Variants in MYO5A observed in about 807,000 individuals in gnomAD.
MYO5A encodes myosin VA.
Under a neutral mutation model 249.7 loss-of-function variants are expected in MYO5A, and 98 were observed. The ratio of observed to expected loss-of-function variants is 0.39; its 90% CI spans 0.33 to 0.46. The LOEUF is 0.46. MYO5A is among the 20% of genes least tolerant of loss of function. The pLI is 0.98. For missense variants in MYO5A, 1,696 were observed against 2,308.8 expected, an observed-to-expected ratio of 0.73 and a Z score of 5.44; for synonymous variants, 778 against 810.6, an observed-to-expected ratio of 0.96 and a Z score of 0.68.
At chr15:52,465,160 G>C (rs1332381053) in intron 1 of MYO5A, among the ~76,000 whole-genome samples, 1 of 152,188 alleles carries the variant, frequency 6.6e-6, no homozygotes, top group Non-Finnish European at 1.5e-5. Flanking sequence ...AGCTGGCTTT[G>C]AGAGGGCAAA....
At chr15:52,404,085 G>A (rs142789002) in intron 9 of MYO5A, among the ~76,000 whole-genome samples, 252 of 152,062 alleles carry the variant, frequency 1.7e-3, no homozygotes, top group African/African-American at 5.9e-3. Context: ...GGCCAACATG[G>A]CAAAACCCCA....
chr15:52,387,666 C>T, intron 14 of MYO5A, 163 bp downstream of exon 14: 1 of 606,256 alleles, frequency 1.6e-6, no homozygotes, highest in Non-Finnish European at 2.9e-6. Context: ...ACATTTAGAA[C>T]AGGACCTGAC....
intron 1 of MYO5A, among the ~76,000 whole-genome samples, chr15:52,441,570 T>G (rs1426747964): frequency 6.6e-6 from 1 of 152,242 alleles, no homozygotes; most frequent in Non-Finnish European, 1.5e-5. Context: ...TTCACACTTG[T>G]AAGCCTTTGC....
At chr15:52,346,513 G>A (rs2039635692) in intron 29 of MYO5A, 52 bp from the exon 30 acceptor site, 1 of 1,148,254 alleles carries the variant, frequency 8.7e-7, no homozygotes, top group African/African-American at 1.5e-5. Flanking sequence ...AAAAGCTTTG[G>A]ACATAAAACA....
rs149684951 is a variant in MYO5A at position 52,388,524 on chromosome 15, G to C, written c.1669-612C>G. 4.4e-4 allele frequency among the ~76,000 whole-genome samples: 67 copies of C among 152,248 alleles called. 1 individual carries two copies. The East Asian group carries it at 7.1e-3, about 16-fold the overall frequency. On this transcript the variant is annotated intron_variant, in intron 13 of 41. Transcript: ENST00000399233. The stretch of plus-strand genomic sequence containing the variant: ...TAGGTGGCCCTAGGGTCATCTCAAG[G>C]CTTCTAGATGGAATTAGGGCAGACT...
intron 18 of MYO5A, 107 bp downstream of exon 18, chr15:52,379,518 C>T (rs911843052): frequency 9.5e-6 from 9 of 948,194 alleles, no homozygotes; most frequent in African/African-American, 4.8e-5. Flanking sequence ...GATCCCACCC[C>T]GAAATGATCT....
At chr15:52,330,039 A>ATTTTGAT (rs994717000) in intron 35 of MYO5A, among the ~76,000 whole-genome samples, 2 of 138,134 alleles carry the variant, frequency 1.4e-5, no homozygotes, top group Non-Finnish European at 3.1e-5. Context: ...CTCTCTAGAG[A>ATTTTGAT]TTTTGATTTA....
chr15:52,446,094 C>T (rs56148029), intron 1 of MYO5A, among the ~76,000 whole-genome samples: 22,870 of 152,258 alleles, frequency 0.15, 1,825 homozygotes, highest in Middle Eastern at 0.22. Flanking sequence ...CAAGTGCTAA[C>T]AGCCAAGTCA....
At position 52,364,659 on chromosome 15, in the gene MYO5A, T is replaced by A. The variant is rs1431582045; in HGVS notation, c.3204A>T (p.Glu1068Asp). 4 of 1,613,692 alleles carry A rather than the reference T, an allele frequency of 2.5e-6. No homozygotes were observed. The Admixed American group carries it at 6.7e-5, about 27-fold the overall frequency. ...TCAGCCTTTCATCATTAAGGTCGAG[T>A]TCCAGTTGTTTCGTTTCTTCTACTA... ...KKLVEETKQLELDLNDERLRY... is the reference protein window; with the variant it reads ...KKLVEETKQLDLDLNDERLRY... The change falls in exon 24 of 42, where the codon GAA becomes GAT. Residue 1068 changes from glutamate (E) to aspartate (D), a missense_variant. By Grantham distance (45) the Glu-to-Asp change is conservative. Transcript: ENST00000399233.
intron 6 of MYO5A, among the ~76,000 whole-genome samples, chr15:52,409,928 T>C (rs183152096): frequency 6.6e-6 from 1 of 152,238 alleles, no homozygotes; most frequent in Admixed American, 6.5e-5. Flanking sequence ...TAATATATTC[T>C]GAAAGAGGAG....
chr15:52,387,077 T>C (rs1386908387), intron 14 of MYO5A, among the ~76,000 whole-genome samples: 1 of 152,196 alleles, frequency 6.6e-6, no homozygotes, highest in East Asian at 1.9e-4. Flanking sequence ...GCTGAATACC[T>C]GAATATTCAT....
intron 1 of MYO5A, among the ~76,000 whole-genome samples, chr15:52,441,483 C>A (rs1567130124): frequency 6.6e-6 from 1 of 152,184 alleles, no homozygotes; most frequent in African/African-American, 2.4e-5. Context: ...CTGCTCCCCA[C>A]CAATTTTCAC....
intron 1 of MYO5A, among the ~76,000 whole-genome samples, chr15:52,442,364 GA>G (rs2075800787): frequency 6.6e-6 from 1 of 152,058 alleles, no homozygotes; most frequent in Admixed American, 6.6e-5. Context: ...GGGTGTAAGA[GA>G]AAAAAGGGGT....
intron 1 of MYO5A, among the ~76,000 whole-genome samples, chr15:52,450,089 G>A (rs1057493787): frequency 3.3e-5 from 5 of 152,132 alleles, no homozygotes; most frequent in African/African-American, 1.2e-4. Context: ...AGAGGCTTAG[G>A]TGGGAGGATC....
chr15:52,361,977 T>C (rs1241953066), intron 24 of MYO5A, among the ~76,000 whole-genome samples: 1 of 152,196 alleles, frequency 6.6e-6, no homozygotes, highest in African/African-American at 2.4e-5. Flanking sequence ...AATTAATTTA[T>C]CTTTAAACAC....
chr15:52,323,888 C>A (rs1000643246), intron 36 of MYO5A: 4 of 220,874 alleles, frequency 1.8e-5, no homozygotes, highest in African/African-American at 4.6e-5. Context: ...CCTGTAATCC[C>A]AGCAACTTGG....
Position 52,317,126 on chromosome 15 carries a change from T to C in MYO5A, c.5331A>G (p.Gln1777=), listed in dbSNP as rs1301937452. 15 of 1,614,044 alleles carry C rather than the reference T, an allele frequency of 9.3e-6. 1 individual carries two copies. The highest frequency in any genetic ancestry group is 6.7e-5 in the Admixed American group (4 of 60,008). ...ETLEPLIQAA[Q]LLQVKKKTDD... is the part of the protein sequence containing the mutation. ...CTGTTTTCTTTTTCACTTGCAAAAG[T>C]TGAGCAGCCTGAATGAGAGGTTCCA... The change falls in exon 40 of 42, where the codon CAA becomes CAG. Residue 1777 remains glutamine, a synonymous_variant. Transcript: ENST00000399233.
At chr15:52,506,443 CTTGAACCTGG>C (rs1323594075) in intron 1 of MYO5A, among the ~76,000 whole-genome samples, 1 of 151,792 alleles carries the variant, frequency 6.6e-6, no homozygotes, top group East Asian at 1.9e-4. Flanking sequence ...GTGGGAATCA[CTTGAACCTGG>C]GAAGTGGAGG....
chr15:52,417,715 T>C (rs1332799729), intron 4 of MYO5A, among the ~76,000 whole-genome samples: 1 of 152,120 alleles, frequency 6.6e-6, no homozygotes, highest in Non-Finnish European at 1.5e-5. Context: ...GGGCTCCTGA[T>C]AAAAGGATGA....
Sources: allele counts gnomAD v4.1 joint callset (sites outside exome capture counted in the v4.1 genomes callset), GRCh38; gene constraint gnomAD v4.1.1; transcripts MANE v1.5; gene names NCBI Gene and HGNC (gene_info 2026-07-23, HGNC 2026-07-21).